Variants in ALK observed in about 807,000 individuals in gnomAD.
ALK encodes the protein ALK receptor tyrosine kinase.
A neutral mutation model predicts 163.1 loss-of-function variants in ALK; 74 were observed. The ratio of observed to expected loss-of-function variants is 0.45; its 90% confidence interval spans 0.38 to 0.55. ALK has a LOEUF of 0.55. ALK is among the 20% of genes least tolerant of loss of function. The pLI is 0.00. For synonymous variants in ALK, 960 were observed against 843.2 expected, an observed-to-expected ratio of 1.14 and a Z score of -2.40; for missense variants, 2,063 against 2,105.3, an observed-to-expected ratio of 0.98 and a Z score of 0.39.
chr2:29,315,094 G>A (rs117293669), intron 8 of ALK, among the ~76,000 whole-genome samples: 174 of 152,302 alleles, frequency 1.1e-3, no homozygotes, highest in East Asian at 2.1e-3. Context: ...GCAGAGAAGA[G>A]CTTGTGGCGG....
chr2:29,731,926 T>C (rs1223214659), intron 1 of ALK, among the ~76,000 whole-genome samples: 1 of 152,138 alleles, frequency 6.6e-6, no homozygotes, highest in East Asian at 1.9e-4. Context: ...GAAGGTGAGG[T>C]CAATTCCCTA....
chr2:29,855,517 C>A (rs1253934777), intron 1 of ALK, among the ~76,000 whole-genome samples: 38 of 152,122 alleles, frequency 2.5e-4, no homozygotes, highest in Admixed American at 2.5e-3. Flanking sequence ...GATTAATAGG[C>A]CTATACATAA....
At chr2:29,484,011 G>A (rs1392450610) in intron 4 of ALK, among the ~76,000 whole-genome samples, 1 of 152,158 alleles carries the variant, frequency 6.6e-6, no homozygotes, top group African/African-American at 2.4e-5. Flanking sequence ...AGGAAAGAGA[G>A]CATGTGCAGG....
intron 25 of ALK, chr2:29,208,058 G>A (rs763023919): frequency 1.3e-5 from 6 of 448,870 alleles, no homozygotes; most frequent in South Asian, 6.3e-5. Context: ...GCCATGTGCT[G>A]AGGACATAAA....
At chr2:29,210,843 T>C (rs1669446079) in intron 24 of ALK, among the ~76,000 whole-genome samples, 1 of 152,352 alleles carries the variant, frequency 6.6e-6, no homozygotes, top group Admixed American at 6.5e-5. Flanking sequence ...GATGACCTGC[T>C]TTCCTGTAGC....
intron 1 of ALK, among the ~76,000 whole-genome samples, chr2:29,798,668 T>C (rs1038627957): frequency 6.6e-6 from 1 of 152,242 alleles, no homozygotes; most frequent in African/African-American, 2.4e-5. Context: ...GAACCCTCTA[T>C]GCTTCCATGG....
intron 3 of ALK, among the ~76,000 whole-genome samples, chr2:29,604,237 T>A (rs768152773): frequency 2.6e-5 from 4 of 151,296 alleles, no homozygotes; most frequent in Non-Finnish European, 5.9e-5. Flanking sequence ...GACGTGAGGA[T>A]TACGTGAAAT....
chr2:29,328,295 G>A lies in ALK; in HGVS notation c.1414+55C>T, dbSNP rs62130643. The A allele has an allele frequency of 0.21, 341,781 of 1,612,666 alleles. 39,055 individuals are homozygous for A. Among genetic ancestry groups the A allele is most frequent in the South Asian group, 0.24 (21,636 of 90,838 alleles). ...TCATGCCTGGGATAATGGGGACAAC[G>A]GGGTTATGAGCATGGGCTGGGCTCA... is the stretch of plus-strand genomic sequence containing the variant. On this transcript the variant is annotated intron_variant, in intron 6 of 28. Transcript: ENST00000389048.
chr2:29,685,255 C>T lies in ALK; in HGVS notation c.952+9595G>A, dbSNP rs537583768. On this transcript the variant is annotated intron_variant, in intron 3 of 28. Transcript: ENST00000389048. ...GACAGGAGCTTCATAGAAACCGAGC[C>T]CTTGGCAGCTGTTACAGCACCTTCA... Among the ~76,000 whole-genome samples the T allele has an allele frequency of 7.2e-4, 110 of 152,184 alleles. No homozygotes were observed. The Middle Eastern group carries it at 0.024, about 33-fold the overall frequency.
intron 8 of ALK, among the ~76,000 whole-genome samples, chr2:29,317,318 A>G (rs1270684727): frequency 6.6e-6 from 1 of 152,220 alleles, no homozygotes; most frequent in African/African-American, 2.4e-5. Flanking sequence ...GACTGGCCAA[A>G]CCCAAACTAC....
intron 4 of ALK, among the ~76,000 whole-genome samples, chr2:29,469,644 T>C (rs1375550101): frequency 6.6e-6 from 1 of 152,160 alleles, no homozygotes; most frequent in East Asian, 1.9e-4. Flanking sequence ...TTTGACTTCT[T>C]CTTTCTTGAA....
At position 29,899,361 on chromosome 2, in the gene ALK, G is replaced by T. The variant is rs573037862; in HGVS notation, c.667+20632C>A. Among the ~76,000 whole-genome samples, 7 of 152,310 alleles carry T rather than the reference G, an allele frequency of 4.6e-5. No individual in the cohort carries two copies. The East Asian group carries it at 1.4e-3, about 29-fold the overall frequency. ...CCTTTTTTGCCCCCTGCAAGCAGCTGTGTGTGAAGGTGCCAAGGGCTTCTG... is the reference window on the plus strand; with the variant it reads ...CCTTTTTTGCCCCCTGCAAGCAGCTTTGTGTGAAGGTGCCAAGGGCTTCTG... On this transcript the variant is annotated intron_variant, in intron 1 of 28. Coordinates refer to ENST00000389048, the MANE Select transcript of ALK (RefSeq NM_004304.5).
intron 4 of ALK, among the ~76,000 whole-genome samples, chr2:29,449,233 C>A (rs1670761915): frequency 6.6e-6 from 1 of 152,138 alleles, no homozygotes; most frequent in Non-Finnish European, 1.5e-5. Flanking sequence ...TGTGCTCTCA[C>A]AATATAGTAT....
At chr2:29,802,704 G>C (rs1162927206) in intron 1 of ALK, among the ~76,000 whole-genome samples, 2 of 151,604 alleles carry the variant, frequency 1.3e-5, no homozygotes, top group Non-Finnish European at 2.9e-5. Flanking sequence ...CTGCCAATAT[G>C]ATTTTTAGAT....
chr2:29,889,406 C>T (rs891932020), intron 1 of ALK, among the ~76,000 whole-genome samples: 1 of 152,018 alleles, frequency 6.6e-6, no homozygotes, highest in Non-Finnish European at 1.5e-5. Flanking sequence ...ATGTAAACCT[C>T]TTGATAAAAT....
intron 3 of ALK, among the ~76,000 whole-genome samples, chr2:29,639,268 A>G (rs1027954571): frequency 3.3e-5 from 5 of 152,108 alleles, no homozygotes; most frequent in Non-Finnish European, 7.4e-5. Context: ...ATCAGGAACA[A>G]AACCACCTCC....
At chr2:29,832,080 G>T (rs1665436999) in intron 1 of ALK, among the ~76,000 whole-genome samples, 1 of 152,196 alleles carries the variant, frequency 6.6e-6, no homozygotes, top group East Asian at 1.9e-4. Context: ...GGGAGATGAG[G>T]TTCCCTGTAT....
intron 3 of ALK, among the ~76,000 whole-genome samples, chr2:29,676,959 G>A (rs2541174): frequency 0.86 from 130,121 of 151,982 alleles, 56,005 homozygotes; most frequent in African/African-American, 0.94. Flanking sequence ...AATACAGTTA[G>A]TTTTTTAATA....
intron 1 of ALK, among the ~76,000 whole-genome samples, chr2:29,871,105 G>A (rs931320456): frequency 6.6e-5 from 10 of 152,142 alleles, no homozygotes; most frequent in Non-Finnish European, 1.0e-4. Flanking sequence ...CATGAACCTT[G>A]GTATAAAACC....
Sources: gnomAD v4.1 joint callset for allele counts (sites outside exome capture counted in the v4.1 genomes callset) on GRCh38, gnomAD v4.1.1 for gene constraint, MANE v1.5 for transcripts, NCBI Gene and HGNC (gene_info 2026-07-23, HGNC 2026-07-21) for gene names.